Variants in LRGUK observed in about 807,000 individuals in gnomAD.
LRGUK encodes the protein leucine rich repeats and guanylate kinase domain containing.
Under a neutral mutation model 76.0 loss-of-function variants are expected in LRGUK, and 65 were observed. That is an observed-to-expected ratio of 0.85 (90% confidence interval 0.70 to 1.05). The LOEUF is 1.05. Among genes scored for constraint, LRGUK ranks in the 50% least tolerant of loss-of-function variants. The probability of loss-of-function intolerance (pLI) is 0.00; values close to 1 mark genes in which losing one functional copy is unlikely to be tolerated. For synonymous variants in LRGUK, 268 were observed against 265.6 expected, an observed-to-expected ratio of 1.01 and a Z score of -0.09; for missense variants, 758 against 732.8, an observed-to-expected ratio of 1.03 and a Z score of -0.40.
chr7:134,249,304 T>G (rs933143194), intron 18 of LRGUK, among the ~76,000 whole-genome samples: 3 of 151,726 alleles, frequency 2.0e-5, no homozygotes, highest in Admixed American at 1.3e-4. Flanking sequence ...CTTGAGGGAG[T>G]GATAGAAAGA....
In LRGUK at chr7:134,247,583, G is replaced by A. The variant is rs748022564; in HGVS notation, c.2011G>A (p.Glu671Lys). 39 of 1,613,564 alleles carry A rather than the reference G, an allele frequency of 2.4e-5. No homozygotes were observed. Among genetic ancestry groups the A allele is most frequent in the Middle Eastern group, 1.6e-4 (1 of 6,082 alleles). ...AAGAGATTCTATACACAGACAGCAC[G>A]AGGCAGCCCGGCAAGCTCTAATGGG... Residue 671 changes from glutamate (E) to lysine (K), a missense_variant, in exon 17 of 20, where the codon GAG (glutamate) becomes AAG (lysine). Coordinates refer to the LRGUK transcript ENST00000285928.
intron 18 of LRGUK, 24 bp from the exon 19 acceptor site, chr7:134,258,233 A>T: frequency 6.2e-7 from 1 of 1,613,432 alleles, no homozygotes; most frequent in Non-Finnish European, 8.5e-7. Flanking sequence ...TCTCAAAAAG[A>T]TCTTTGGTTT....
rs759520893 is a variant in LRGUK at position 134,263,871 on chromosome 7, GAA to G, written c.2378_2379del (p.Lys793ArgfsTer35). 2.5e-6 allele frequency: 4 copies of G among 1,610,386 alleles called. No homozygotes were observed. Among genetic ancestry groups the G allele is most frequent in the South Asian group, 1.1e-5 (1 of 90,366 alleles). On this transcript the variant is annotated frameshift_variant, in exon 20 of 20. Coordinates refer to the LRGUK transcript ENST00000285928. LOFTEE classifies it low-confidence loss of function (END_TRUNC). ...ACTACCTATACAATCATTTTCACAT[GAA>G]AAAGAGTCTCACCAACACAGACAAC...
At chr7:134,128,013 C>T (rs147245051) in intron 1 of LRGUK, among the ~76,000 whole-genome samples, 10 of 151,554 alleles carry the variant, frequency 6.6e-5, no homozygotes, top group African/African-American at 2.4e-4. Flanking sequence ...TGTGAATAGG[C>T]AGAGTTCATC....
chr7:134,223,895 T>A (rs893137992), intron 16 of LRGUK, among the ~76,000 whole-genome samples: 5 of 152,194 alleles, frequency 3.3e-5, no homozygotes, highest in Admixed American at 6.5e-5. Context: ...GTGCTGGAAT[T>A]ACAGGCATGA....
intron 6 of LRGUK, among the ~76,000 whole-genome samples, chr7:134,159,074 A>G (rs186467252): frequency 1.3e-5 from 2 of 152,254 alleles, no homozygotes; most frequent in Admixed American, 1.3e-4. Context: ...ACTGCAACTC[A>G]TGCCTGTAAT....
chr7:134,158,078 C>T (rs1181606821), exon 6 of LRGUK: 3 of 1,612,366 alleles, frequency 1.9e-6, no homozygotes, highest in Non-Finnish European at 2.5e-6. Context: ...TGTGCAACAA[C>T]CTAATTCACC....
intron 1 of LRGUK, among the ~76,000 whole-genome samples, chr7:134,136,326 T>G (rs1034747289): frequency 2.0e-5 from 3 of 152,336 alleles, no homozygotes; most frequent in African/African-American, 2.4e-5. Flanking sequence ...ATCATCACCT[T>G]TTTAAAAATC....
At chr7:134,232,730 T>G (rs1371323671) in intron 16 of LRGUK, among the ~76,000 whole-genome samples, 1 of 152,216 alleles carries the variant, frequency 6.6e-6, no homozygotes, top group African/African-American at 2.4e-5. Flanking sequence ...ACTCCAATCA[T>G]TTATAAATAT....
intron 13 of LRGUK, among the ~76,000 whole-genome samples, chr7:134,197,666 T>C (rs1177832113): frequency 1.3e-5 from 2 of 152,154 alleles, no homozygotes; most frequent in African/African-American, 4.8e-5. Context: ...TTTTCATACT[T>C]CTGGCAATTT....
At chr7:134,207,487 C>T (rs1485480767) in intron 15 of LRGUK, among the ~76,000 whole-genome samples, 1 of 152,078 alleles carries the variant, frequency 6.6e-6, no homozygotes, top group East Asian at 1.9e-4. Context: ...AACAGGACAC[C>T]CCCTCAGAAA....
At chr7:134,138,584 A>G (rs1418755719) in intron 2 of LRGUK, among the ~76,000 whole-genome samples, 1 of 152,196 alleles carries the variant, frequency 6.6e-6, no homozygotes, top group Non-Finnish European at 1.5e-5. Context: ...GTAAATATTC[A>G]GTAAGTGTTT....
chr7:134,245,091 C>T (rs1284005755), intron 16 of LRGUK, among the ~76,000 whole-genome samples: 7 of 151,890 alleles, frequency 4.6e-5, no homozygotes, highest in Non-Finnish European at 7.4e-5. Context: ...ATGTAAATGA[C>T]GAGTTAATGG....
downstream of LRGUK, among the ~76,000 whole-genome samples, chr7:134,267,567 T>C (rs1337366059): frequency 2.0e-5 from 3 of 152,186 alleles, no homozygotes; most frequent in South Asian, 2.1e-4. Flanking sequence ...GGGTAGTGAA[T>C]AAGTCTCACA....
chr7:134,216,525 AT>A (rs1563187971), intron 15 of LRGUK, among the ~76,000 whole-genome samples: 1 of 152,186 alleles, frequency 6.6e-6, no homozygotes, highest in Non-Finnish European at 1.5e-5. Context: ...ATGAATTTCC[AT>A]GTGATACACA....
rs1188662150 is a variant in LRGUK, at chr7:134,158,857, A to G, written c.795+698A>G. ...GCTCCCTAACTTGGGGGTCTACAGT[A>G]TTGACTGTGAAATATCCAGGATTCT... On this transcript the variant is annotated intron_variant, in intron 6 of 15. Transcript: ENST00000645682. Among the ~76,000 whole-genome samples the G allele has an allele frequency of 1.5e-4, 23 of 152,156 alleles. 1 individual carries two copies. Among genetic ancestry groups the G allele is most frequent in the Admixed American group, 1.4e-3 (22 of 15,278 alleles).
At chr7:134,143,083 T>C in exon 4 of LRGUK, 1 of 1,600,826 alleles carries the variant, frequency 6.2e-7, no homozygotes. Flanking sequence ...GTGAGTTGTA[T>C]GCCTTATCTC....
Position 134,196,924 on chromosome 7 carries a change from G to T in LRGUK, c.1432-68G>T, listed in dbSNP as rs1236578746. The T allele has an allele frequency of 5.9e-5, 49 of 826,834 alleles. No individual in the cohort carries two copies. In the East Asian group the frequency reaches 1.1e-3, roughly 19 times the overall value. The allele number at this position is 826,834 out of a possible 1,614,324, so 51.2% of individuals were successfully genotyped here. On this transcript the variant is annotated intron_variant, in intron 12 of 15. Coordinates refer to ENST00000645682, the Ensembl canonical transcript of LRGUK. ...AATTATTTAGAATAAGACATCAAATGATTTGAGTTATGTAAATTCCATGAT... is the reference window on the plus strand; with the variant it reads ...AATTATTTAGAATAAGACATCAAATTATTTGAGTTATGTAAATTCCATGAT...
Position 134,158,138 on chromosome 7 carries a change from AC to A in LRGUK, c.776del (p.Pro259GlnfsTer7). 6.2e-7 allele frequency: 1 copy of A among 1,612,818 alleles called. No homozygotes were observed. The highest frequency in any genetic ancestry group is 8.5e-7 in the Non-Finnish European group (1 of 1,179,196). ...CGACAATTAATGGCTTAAACAAGTT[AC>A]CAATCAAAATACTTTGTCTGGTGAG... On this transcript the variant is annotated frameshift_variant, in exon 6 of 16. Transcript: ENST00000645682. LOFTEE classifies it high-confidence loss of function.
Sources: gnomAD v4.1 joint callset for allele counts (sites outside exome capture counted in the v4.1 genomes callset) on GRCh38, gnomAD v4.1.1 for gene constraint, MANE v1.5 for transcripts, NCBI Gene and HGNC (gene_info 2026-07-23, HGNC 2026-07-21) for gene names.